Variants in MYRIP observed in about 807,000 individuals in gnomAD.
MYRIP encodes myosin VIIA and Rab interacting protein, also known as rab effector MyRIP.
Under a neutral mutation model 98.0 loss-of-function variants are expected in MYRIP, and 49 were observed. That is an observed-to-expected ratio of 0.50 (90% CI 0.40 to 0.63). The LOEUF (loss-of-function observed/expected upper bound fraction) is 0.63. MYRIP is among the 30% of genes least tolerant of loss of function. The pLI is 0.00. For synonymous variants in MYRIP, 404 were observed against 409.5 expected, an observed-to-expected ratio of 0.99 and a Z score of 0.16; for missense variants, 1,004 against 1,058.2, an observed-to-expected ratio of 0.95 and a Z score of 0.71.
At chr3:39,921,424 C>G (rs1048618821) in intron 2 of MYRIP, among the ~76,000 whole-genome samples, 1 of 152,200 alleles carries the variant, frequency 6.6e-6, no homozygotes, top group African/African-American at 2.4e-5. Flanking sequence ...AATATTTAAA[C>G]TCACTGTGTT....
intron 12 of MYRIP, 86 bp downstream of exon 12, chr3:40,234,139 A>G: frequency 7.4e-7 from 1 of 1,354,386 alleles, no homozygotes; most frequent in East Asian, 2.4e-5. Context: ...GAAGAGTGCA[A>G]GGACACACAC....
chr3:39,959,110 A>T (rs565731488), intron 2 of MYRIP, among the ~76,000 whole-genome samples: 6 of 152,318 alleles, frequency 3.9e-5, no homozygotes, highest in African/African-American at 7.2e-5. Context: ...ATTGTGGAAG[A>T]CAGTGTGGCG....
At chr3:40,079,204 T>A (rs1414230577) in intron 3 of MYRIP, among the ~76,000 whole-genome samples, 1 of 152,218 alleles carries the variant, frequency 6.6e-6, no homozygotes, top group East Asian at 1.9e-4. Context: ...ATTTAAGCCT[T>A]CTTAGACACT....
At chr3:40,005,179 C>T (rs185816904) in intron 2 of MYRIP, among the ~76,000 whole-genome samples, 2 of 152,312 alleles carry the variant, frequency 1.3e-5, no homozygotes, top group Non-Finnish European at 2.9e-5. Flanking sequence ...ATCCAATCCA[C>T]CACTGATGGG....
intron 4 of MYRIP, 65 bp from the exon 5 acceptor site, chr3:40,162,665 A>C: frequency 1.4e-6 from 2 of 1,405,822 alleles, no homozygotes; most frequent in Admixed American, 3.4e-5. Context: ...GACACAGTGC[A>C]TCAGGGTTCA....
chr3:40,145,931 T>C (rs1950000212), intron 3 of MYRIP, among the ~76,000 whole-genome samples: 1 of 152,194 alleles, frequency 6.6e-6, no homozygotes, highest in Non-Finnish European at 1.5e-5. Flanking sequence ...ACAATGTCTG[T>C]CCATCACGTA....
At chr3:39,854,143 T>G (rs1942217815) in intron 1 of MYRIP, among the ~76,000 whole-genome samples, 1 of 152,212 alleles carries the variant, frequency 6.6e-6, no homozygotes, top group Non-Finnish European at 1.5e-5. Context: ...CATGCTGTTT[T>G]GGTACTGGTA....
intron 11 of MYRIP, chr3:40,233,144 T>C (rs969948561): frequency 1.3e-5 from 2 of 152,204 alleles, no homozygotes; most frequent in African/African-American, 4.8e-5. Flanking sequence ...CAAAAGCTTA[T>C]CTAGAAACTC....
At chr3:40,176,924 A>AG (rs1384000401) in intron 8 of MYRIP, among the ~76,000 whole-genome samples, 2 of 148,880 alleles carry the variant, frequency 1.3e-5, no homozygotes, top group African/African-American at 5.0e-5. Flanking sequence ...AAAAAAAAAA[A>AG]AGAAAAGAAA....
intron 3 of MYRIP, among the ~76,000 whole-genome samples, chr3:40,106,502 C>T (rs935272293): frequency 4.6e-5 from 7 of 152,130 alleles, no homozygotes; most frequent in Admixed American, 4.6e-4. Flanking sequence ...ATAAATCTTC[C>T]TTGCTTATTT....
chr3:40,079,703 A>C (rs1485672400), intron 3 of MYRIP, among the ~76,000 whole-genome samples: 2 of 152,252 alleles, frequency 1.3e-5, no homozygotes, highest in African/African-American at 4.8e-5. Flanking sequence ...AAATGCATGT[A>C]TGCTGGCTAA....
chr3:39,957,656 A>G (rs943939063), intron 2 of MYRIP, among the ~76,000 whole-genome samples: 1 of 152,158 alleles, frequency 6.6e-6, no homozygotes, highest in Admixed American at 6.6e-5. Flanking sequence ...CCTATTCAAC[A>G]TAGTGTTGGA....
chr3:40,046,972 ATGAGT>A (rs1350342205), intron 3 of MYRIP, among the ~76,000 whole-genome samples: 1 of 152,188 alleles, frequency 6.6e-6, no homozygotes, highest in Non-Finnish European at 1.5e-5. Flanking sequence ...CACATTTACC[ATGAGT>A]TGTATGCAGG....
At chr3:39,848,122 A>G (rs1337735803) in intron 1 of MYRIP, among the ~76,000 whole-genome samples, 2 of 152,212 alleles carry the variant, frequency 1.3e-5, no homozygotes, top group African/African-American at 4.8e-5. Context: ...CCAGACTGTG[A>G]GTCCCAGCTG....
chr3:39,828,442 G>A (rs1308573880), intron 1 of MYRIP, among the ~76,000 whole-genome samples: 2 of 151,726 alleles, frequency 1.3e-5, no homozygotes, highest in Non-Finnish European at 2.9e-5. Flanking sequence ...TTAAGATTAT[G>A]ATTTTGAATT....
At chr3:39,994,661 G>A (rs543641962) in intron 2 of MYRIP, among the ~76,000 whole-genome samples, 59 of 152,328 alleles carry the variant, frequency 3.9e-4, no homozygotes, top group African/African-American at 1.3e-3. Context: ...AGACTTAAAT[G>A]TCCCTGTCCG....
intron 2 of MYRIP, among the ~76,000 whole-genome samples, chr3:39,906,724 C>T (rs964009933): frequency 3.9e-5 from 6 of 152,258 alleles, no homozygotes; most frequent in African/African-American, 1.2e-4. Flanking sequence ...CAGATTTCTA[C>T]TAGTATTTGA....
intron 3 of MYRIP, among the ~76,000 whole-genome samples, chr3:40,135,252 C>A (rs1377963886): frequency 2.6e-5 from 4 of 152,020 alleles, no homozygotes; most frequent in African/African-American, 9.7e-5. Context: ...GCCTCAGTAA[C>A]CGATGTGATC....
intron 11 of MYRIP, among the ~76,000 whole-genome samples, chr3:40,210,697 C>A (rs1255926969): frequency 1.3e-5 from 2 of 152,156 alleles, no homozygotes; most frequent in Non-Finnish European, 2.9e-5. Context: ...AAAGCCCTAA[C>A]CGCTTGATTT....
Sources: gnomAD v4.1 joint callset for allele counts (sites outside exome capture counted in the v4.1 genomes callset) on GRCh38, gnomAD v4.1.1 for gene constraint, MANE v1.5 for transcripts, NCBI Gene and HGNC (gene_info 2026-07-23, HGNC 2026-07-21) for gene names.